The following ELP3 variants were observed in gnomAD, a reference collection of about 807,000 sequenced individuals.
ELP3 encodes the protein elongator complex protein 3.
In ELP3, 56 loss-of-function variants were observed where a neutral mutation model predicts 74.9. The ratio of observed to expected loss-of-function variants is 0.75; its 90% CI spans 0.60 to 0.93. The LOEUF is 0.93. Ranked by LOEUF, ELP3 falls within the 40% of genes least tolerant of loss-of-function variation. The pLI is 0.00. For synonymous variants in ELP3, 222 were observed against 239.8 expected, an observed-to-expected ratio of 0.93 and a Z score of 0.68; for missense variants, 573 against 686.5, an observed-to-expected ratio of 0.83 and a Z score of 1.85.
At chr8:28,107,422 G>T (rs1173622873) in intron 4 of ELP3, among the ~76,000 whole-genome samples, 1 of 152,074 alleles carries the variant, frequency 6.6e-6, no homozygotes, top group Non-Finnish European at 1.5e-5. Context: ...TAAATTCCAC[G>T]TCAGAAATTT....
rs573613867 is a variant in ELP3 at position 28,096,069 on chromosome 8, A to G, written c.20-1150A>G. ...ACATCAGCAGTGGCATTAGATTCTC[A>G]AAGGAGTCTGAACCCTGTTGTGAAC... On this transcript the variant is annotated intron_variant, in intron 1 of 14. Transcript: ENST00000256398. 2.6e-5 allele frequency among the ~76,000 whole-genome samples: 4 copies of G among 152,236 alleles called. No individual in the cohort carries two copies. In the South Asian group the frequency reaches 8.3e-4, roughly 32 times the overall value.
At chr8:28,134,521 A>G (rs1465312513) in intron 9 of ELP3, among the ~76,000 whole-genome samples, 1 of 152,208 alleles carries the variant, frequency 6.6e-6, no homozygotes, top group Non-Finnish European at 1.5e-5. Context: ...ATTCTCTACA[A>G]ATTAAATTGT....
intron 14 of ELP3, among the ~76,000 whole-genome samples, chr8:28,167,624 G>A (rs1311742345): frequency 6.6e-6 from 1 of 152,156 alleles, no homozygotes; most frequent in Non-Finnish European, 1.5e-5. Context: ...CAGGAAGCCT[G>A]CCAAATGCAG....
At position 28,145,725 on chromosome 8, in the gene ELP3, G is replaced by C. The variant is rs193205294; in HGVS notation, c.1100+7834G>C. On this transcript the variant is annotated intron_variant, in intron 10 of 14. Transcript: ENST00000256398. ...TGCAACCTCCGCCTCACAGGTTCAAGCAATTCTCCTGCCTCATCCTCCTGA... is the reference window on the plus strand; with the variant it reads ...TGCAACCTCCGCCTCACAGGTTCAACCAATTCTCCTGCCTCATCCTCCTGA... 2.2e-3 allele frequency among the ~76,000 whole-genome samples: 342 copies of C among 152,328 alleles called. 1 individual carries two copies. The highest frequency in any genetic ancestry group is 7.9e-3 in the African/African-American group (327 of 41,584).
At chr8:28,159,502 T>C (rs928370662) in intron 12 of ELP3, among the ~76,000 whole-genome samples, 41 of 152,328 alleles carry the variant, frequency 2.7e-4, no homozygotes, top group African/African-American at 9.6e-4. Flanking sequence ...TGTTTCTGCG[T>C]GTGGCCATGT....
In ELP3 at chr8:28,124,702, G is replaced by GA. The variant is rs528903354; in HGVS notation, c.618-4793dup. Among the ~76,000 whole-genome samples the GA allele has an allele frequency of 4.3e-3, 661 of 152,158 alleles. 1 individual carries two copies. Among genetic ancestry groups the GA allele is most frequent in the Non-Finnish European group, 7.2e-3 (489 of 67,994 alleles). On this transcript the variant is annotated intron_variant, in intron 7 of 14. Transcript: ENST00000256398. Reference sequence around the variant, plus strand: ...CAAAATGATAGTTTTTGTCAGCCATGAAAAAAATCAAACCTCAAACAAAAT... The same window carrying GA: ...CAAAATGATAGTTTTTGTCAGCCATGAAAAAAAATCAAACCTCAAACAAAAT...
At chr8:28,169,338 A>G (rs1438988930) in intron 14 of ELP3, among the ~76,000 whole-genome samples, 2 of 152,168 alleles carry the variant, frequency 1.3e-5, no homozygotes, top group Admixed American at 1.3e-4. Flanking sequence ...TTATTTCCTT[A>G]ATGATTCTGT....
intron 14 of ELP3, among the ~76,000 whole-genome samples, chr8:28,163,595 G>A (rs1435978758): frequency 6.7e-6 from 1 of 150,026 alleles, no homozygotes; most frequent in Non-Finnish European, 1.5e-5. Context: ...ATCGCACAAA[G>A]AGGTAACTAA....
intron 7 of ELP3, among the ~76,000 whole-genome samples, chr8:28,128,806 C>T (rs1324761276): frequency 6.6e-6 from 1 of 152,198 alleles, no homozygotes; most frequent in Non-Finnish European, 1.5e-5. Context: ...TTCACTAGCC[C>T]TGCTAGCAAG....
At chr8:28,151,503 T>C (rs1358198038) in intron 10 of ELP3, among the ~76,000 whole-genome samples, 4 of 152,204 alleles carry the variant, frequency 2.6e-5, no homozygotes, top group South Asian at 4.1e-4. Flanking sequence ...TAATTTTTTC[T>C]TCATAGTCGG....
At chr8:28,180,909 A>G (rs1195361581) in intron 14 of ELP3, among the ~76,000 whole-genome samples, 6 of 152,090 alleles carry the variant, frequency 3.9e-5, no homozygotes, top group Non-Finnish European at 5.9e-5. Flanking sequence ...TCCTCAAGGT[A>G]CGGAAGCAAC....
chr8:28,115,436 A>G (rs1247223848), intron 7 of ELP3, among the ~76,000 whole-genome samples: 1 of 152,344 alleles, frequency 6.6e-6, no homozygotes, highest in African/African-American at 2.4e-5. Flanking sequence ...AAATGCATAG[A>G]AAAGGTGGCA....
intron 14 of ELP3, among the ~76,000 whole-genome samples, chr8:28,183,650 C>T (rs531247195): frequency 3.3e-5 from 5 of 152,170 alleles, no homozygotes; most frequent in Admixed American, 6.5e-5. Context: ...GTCTCGAACT[C>T]CTGAGCTCAG....
chr8:28,169,962 G>A (rs1255671838), intron 14 of ELP3, among the ~76,000 whole-genome samples: 1 of 152,138 alleles, frequency 6.6e-6, no homozygotes, highest in African/African-American at 2.4e-5. Flanking sequence ...CTCTCAGTGG[G>A]AGTGATCAGA....
chr8:28,170,941 T>C (rs1274888714), intron 14 of ELP3, among the ~76,000 whole-genome samples: 1 of 152,190 alleles, frequency 6.6e-6, no homozygotes, highest in Non-Finnish European at 1.5e-5. Context: ...TCATAGAGTA[T>C]CTGTTCTTTT....
intron 9 of ELP3, among the ~76,000 whole-genome samples, chr8:28,136,898 T>G (rs1277445388): frequency 6.6e-6 from 1 of 152,232 alleles, no homozygotes; most frequent in African/African-American, 2.4e-5. Flanking sequence ...GGTGTCTCAT[T>G]GCTACATCCC....
intron 13 of ELP3, among the ~76,000 whole-genome samples, chr8:28,161,464 C>T (rs963095777): frequency 1.3e-5 from 2 of 152,052 alleles, no homozygotes; most frequent in Non-Finnish European, 2.9e-5. Context: ...GTCACAGCTA[C>T]TCAGGAGGCT....
chr8:28,181,466 G>T (rs1263882352), intron 14 of ELP3, among the ~76,000 whole-genome samples: 1 of 152,172 alleles, frequency 6.6e-6, no homozygotes, highest in Non-Finnish European at 1.5e-5. Context: ...ACCCTTTTCT[G>T]TGATTTATTC....
rs543432237 is a variant in ELP3, at chr8:28,189,753, T to C, written c.*28T>C. 8 of 1,600,488 alleles carry C rather than the reference T, an allele frequency of 5.0e-6. No individual in the cohort carries two copies. The African/African-American group carries it at 6.7e-5, about 13-fold the overall frequency. Reference sequence around the variant, plus strand: ...GCCACACCAGTCCACTCTTCTGCAGTATCCTCCCTGGCAGAACACGGAGAA... The same window carrying C: ...GCCACACCAGTCCACTCTTCTGCAGCATCCTCCCTGGCAGAACACGGAGAA... On this transcript the variant is annotated 3_prime_UTR_variant, in exon 15 of 15. Transcript: ENST00000256398.
Sources: gnomAD v4.1 joint callset for allele counts (sites outside exome capture counted in the v4.1 genomes callset) on GRCh38, gnomAD v4.1.1 for gene constraint, MANE v1.5 for transcripts, NCBI Gene and HGNC (gene_info 2026-07-23, HGNC 2026-07-21) for gene names.